Variants in SAMMSON observed in about 807,000 individuals in gnomAD.
SAMMSON encodes the protein long intergenic non-protein coding RNA 1212.
At chr3:70,150,196 T>A (rs2067566121) in intron 4 of SAMMSON, among the ~76,000 whole-genome samples, 1 of 152,090 alleles carries the variant, frequency 6.6e-6, no homozygotes, top group Non-Finnish European at 1.5e-5. Flanking sequence ...GAATGTGACA[T>A]GTTTCCTCAT....
At chr3:70,404,438 G>A (rs376691465) in intron 2 of SAMMSON, among the ~76,000 whole-genome samples, 5 of 152,020 alleles carry the variant, frequency 3.3e-5, no homozygotes, top group South Asian at 2.1e-4. Flanking sequence ...AGAGATACCC[G>A]GTAGACACAG....
At chr3:70,233,080 T>C (rs1433726431) in intron 4 of SAMMSON, among the ~76,000 whole-genome samples, 4 of 152,112 alleles carry the variant, frequency 2.6e-5, no homozygotes, top group African/African-American at 4.8e-5. Context: ...TCTCAGCTAA[T>C]TGGGAGGCTG....
intron 7 of SAMMSON, among the ~76,000 whole-genome samples, chr3:70,306,601 TTCTC>T (rs925635427): frequency 6.6e-6 from 1 of 152,146 alleles, no homozygotes; most frequent in African/African-American, 2.4e-5. Context: ...ATCATTTTTT[TTCTC>T]TCTCATGAAT....
intron 9 of SAMMSON, among the ~76,000 whole-genome samples, chr3:70,387,089 G>A (rs1382669319): frequency 2.0e-5 from 3 of 151,942 alleles, no homozygotes; most frequent in Admixed American, 2.0e-4. Context: ...GGCAAGGAGA[G>A]GAAATAGTAG....
At chr3:70,339,469 C>T (rs376085597) in intron 7 of SAMMSON, among the ~76,000 whole-genome samples, 3 of 152,158 alleles carry the variant, frequency 2.0e-5, no homozygotes, top group Non-Finnish European at 2.9e-5. Context: ...AACATGCAAC[C>T]TACAGAATGG....
intron 2 of SAMMSON, among the ~76,000 whole-genome samples, chr3:70,411,724 A>C (rs1701220816): frequency 6.6e-6 from 1 of 152,116 alleles, no homozygotes; most frequent in Non-Finnish European, 1.5e-5. Flanking sequence ...CCCTGCATGC[A>C]CTGTCTTGCC....
intron 4 of SAMMSON, among the ~76,000 whole-genome samples, chr3:70,141,846 G>A (rs886630567): frequency 6.6e-6 from 1 of 152,076 alleles, no homozygotes; most frequent in African/African-American, 2.4e-5. Context: ...GATAAGTTCT[G>A]CATTAGAGTA....
At chr3:70,341,887 G>A (rs2106729217) in intron 7 of SAMMSON, among the ~76,000 whole-genome samples, 1 of 152,134 alleles carries the variant, frequency 6.6e-6, no homozygotes, top group Middle Eastern at 3.4e-3. Flanking sequence ...ATATACAAAA[G>A]AATATTTACA....
intron 4 of SAMMSON, among the ~76,000 whole-genome samples, chr3:70,190,370 T>G (rs1223160877): frequency 6.6e-6 from 1 of 152,160 alleles, no homozygotes; most frequent in Non-Finnish European, 1.5e-5. Context: ...TCAATCTTCC[T>G]CCTCCACCAC....
At chr3:70,012,197 C>A (rs565332030) in intron 1 of SAMMSON, among the ~76,000 whole-genome samples, 2 of 152,102 alleles carry the variant, frequency 1.3e-5, no homozygotes, top group Non-Finnish European at 2.9e-5. Context: ...GGTAAAATCT[C>A]TTTTACCTGC....
chr3:70,362,804 C>CCTT (rs1702883619), intron 9 of SAMMSON, among the ~76,000 whole-genome samples: 1 of 134,034 alleles, frequency 7.5e-6, no homozygotes. Flanking sequence ...GAAAGATCTG[C>CCTT]TTTTTTTTTT....
At chr3:70,047,226 C>T (rs775121654) in intron 3 of SAMMSON, among the ~76,000 whole-genome samples, 1 of 151,310 alleles carries the variant, frequency 6.6e-6, no homozygotes, top group Non-Finnish European at 1.5e-5. Context: ...TTTGGGCTAA[C>T]GAATGAATGA....
intron 7 of SAMMSON, among the ~76,000 whole-genome samples, chr3:70,291,562 A>G (rs1213823666): frequency 6.6e-6 from 1 of 152,144 alleles, no homozygotes; most frequent in African/African-American, 2.4e-5. Context: ...GATTCTCAGA[A>G]GGGACAATAT....
chr3:70,074,705 A>G (rs2067242155), intron 4 of SAMMSON, among the ~76,000 whole-genome samples: 2 of 152,060 alleles, frequency 1.3e-5, no homozygotes, highest in African/African-American at 2.4e-5. Flanking sequence ...TAGAATTTAG[A>G]TAGCCTCCTC....
chr3:70,096,045 T>C (rs2067321946), intron 4 of SAMMSON: 1 of 152,184 alleles, frequency 6.6e-6, no homozygotes, highest in Admixed American at 6.5e-5. Flanking sequence ...GTTCAAGGTA[T>C]TGGGCAAGGA....
chr3:70,060,992 C>G (rs986503915), intron 3 of SAMMSON, among the ~76,000 whole-genome samples: 1 of 151,804 alleles, frequency 6.6e-6, no homozygotes, highest in South Asian at 2.1e-4. Flanking sequence ...GATTGGAAGT[C>G]GTGAGAGCTT....
intron 4 of SAMMSON, among the ~76,000 whole-genome samples, chr3:70,129,252 A>G (rs1421325318): frequency 1.3e-5 from 2 of 152,202 alleles, no homozygotes; most frequent in Non-Finnish European, 1.5e-5. Context: ...ATAACGGAAA[A>G]CATTTATTAA....
At chr3:70,175,598 T>A (rs1701003227) in intron 4 of SAMMSON, among the ~76,000 whole-genome samples, 2 of 151,950 alleles carry the variant, frequency 1.3e-5, no homozygotes, top group South Asian at 4.2e-4. Flanking sequence ...TCTGTGCTTT[T>A]AAAAAAAATG....
At chr3:70,002,046 C>A (rs1029200542) in intron 1 of SAMMSON, among the ~76,000 whole-genome samples, 3 of 152,158 alleles carry the variant, frequency 2.0e-5, no homozygotes, top group Non-Finnish European at 1.5e-5. Context: ...CTACTTTACT[C>A]TCGGTCATTG....
Sources: allele counts gnomAD v4.1 joint callset (sites outside exome capture counted in the v4.1 genomes callset), GRCh38; gene constraint gnomAD v4.1.1; transcripts MANE v1.5; gene names NCBI Gene and HGNC (gene_info 2026-07-23, HGNC 2026-07-21).